ATXN7L1: variants seen among roughly 807,000 people sequenced by gnomAD.
ATXN7L1 encodes ataxin-7-like protein 1.
ATXN7L1 carries 15 observed loss-of-function variants against 70.8 expected under a neutral mutation model. The ratio of observed to expected loss-of-function variants is 0.21; its 90% CI spans 0.14 to 0.33. ATXN7L1 has a LOEUF of 0.33. Among genes scored for constraint, ATXN7L1 ranks in the 10% least tolerant of loss-of-function variants. ATXN7L1 has a pLI of 1.00. For missense variants in ATXN7L1, 975 were observed against 1,097.1 expected (o/e 0.89, Z 1.57); for synonymous variants, 440 against 445.1 (o/e 0.99, Z 0.14).
chr7:105,683,631 T>C (rs1306028282), intron 3 of ATXN7L1, among the ~76,000 whole-genome samples: 1 of 152,050 alleles, frequency 6.6e-6, no homozygotes, highest in Admixed American at 6.6e-5. Context: ...GCTGAGATTG[T>C]ACCACTGCAC....
At chr7:105,865,378 A>G (rs931072757) in intron 2 of ATXN7L1, among the ~76,000 whole-genome samples, 4 of 151,944 alleles carry the variant, frequency 2.6e-5, no homozygotes, top group African/African-American at 9.7e-5. Flanking sequence ...GGTAAAATAC[A>G]CATAACATAA....
Position 105,605,042 on chromosome 7 carries a change from C to CGT in ATXN7L1, c.*2809_*2810insAC. ...GAAGGCATACAAGTTATCCAAGTCG[C>CGT]TTTTTTTTTTTTTTTTTTTTTTTTA... On this transcript the variant is annotated 3_prime_UTR_variant, in exon 12 of 12. Coordinates refer to ENST00000419735, the MANE Select transcript of ATXN7L1 (RefSeq NM_020725.2). The CGT allele has an allele frequency of 1.4e-5, 1 of 71,558 alleles. No homozygotes were observed. The highest frequency in any genetic ancestry group is 5.6e-5 in the African/African-American group (1 of 17,982). The allele number at this position is 71,558 out of a possible 1,614,324, so 4.4% of individuals were successfully genotyped here.
At chr7:105,872,700 A>G (rs935854595) in intron 2 of ATXN7L1, among the ~76,000 whole-genome samples, 1 of 152,150 alleles carries the variant, frequency 6.6e-6, no homozygotes, top group Non-Finnish European at 1.5e-5. Flanking sequence ...ATGGGTACAG[A>G]GTTTCTGACT....
chr7:105,835,449 A>C (rs1203726497), intron 2 of ATXN7L1, among the ~76,000 whole-genome samples: 1 of 151,216 alleles, frequency 6.6e-6, no homozygotes, highest in Admixed American at 6.6e-5. Flanking sequence ...GCCAGTGTCC[A>C]GCCTTAATTG....
At position 105,824,369 on chromosome 7, in the gene ATXN7L1, G is replaced by C. The variant is rs114788960; in HGVS notation, c.251-35661C>G. On this transcript the variant is annotated intron_variant, in intron 2 of 11. Transcript: ENST00000419735. Reference sequence around the variant, plus strand: ...TTAAAGACAGCACCCACCTGAAAGAGACTGAGACACAATAACCAGGAATAG... The same window carrying C: ...TTAAAGACAGCACCCACCTGAAAGACACTGAGACACAATAACCAGGAATAG... Among the ~76,000 whole-genome samples, 965 of 152,214 alleles carry C rather than the reference G, an allele frequency of 6.3e-3. 9 individuals are homozygous for C. Among genetic ancestry groups the C allele is most frequent in the African/African-American group, 0.022 (914 of 41,542 alleles).
chr7:105,834,967 C>T (rs927391170), intron 2 of ATXN7L1, among the ~76,000 whole-genome samples: 2 of 151,914 alleles, frequency 1.3e-5, no homozygotes, highest in Admixed American at 6.5e-5. Context: ...AAAGTGGTCT[C>T]TGGGACTCAC....
intron 3 of ATXN7L1, among the ~76,000 whole-genome samples, chr7:105,735,753 A>G (rs1167301547): frequency 6.6e-6 from 1 of 151,912 alleles, no homozygotes; most frequent in Non-Finnish European, 1.5e-5. Flanking sequence ...TTTTCTTTTC[A>G]CTTTGTTGAA....
intron 2 of ATXN7L1, among the ~76,000 whole-genome samples, chr7:105,843,669 G>A (rs1404483157): frequency 6.6e-6 from 1 of 152,240 alleles, no homozygotes; most frequent in Non-Finnish European, 1.5e-5. Flanking sequence ...CTAGGCATGG[G>A]TGTTCCAGGA....
chr7:105,713,480 G>A (rs677752), intron 3 of ATXN7L1, among the ~76,000 whole-genome samples: 11,810 of 152,340 alleles, frequency 0.078, 531 homozygotes, highest in South Asian at 0.14. Context: ...ACTGCAGAGA[G>A]GGCCCTGAGG....
intron 3 of ATXN7L1, among the ~76,000 whole-genome samples, chr7:105,754,073 T>C (rs1799507341): frequency 6.6e-6 from 1 of 152,072 alleles, no homozygotes; most frequent in South Asian, 2.1e-4. Flanking sequence ...TTAGACAATC[T>C]GTGGGAAAAT....
intron 2 of ATXN7L1, among the ~76,000 whole-genome samples, chr7:105,833,447 T>C (rs761001360): frequency 6.6e-6 from 1 of 152,138 alleles, no homozygotes; most frequent in Non-Finnish European, 1.5e-5. Flanking sequence ...AAAGAGCAAA[T>C]AGATGTACTC....
intron 2 of ATXN7L1, among the ~76,000 whole-genome samples, chr7:105,835,271 C>T (rs1812210663): frequency 6.7e-6 from 1 of 149,862 alleles, no homozygotes; most frequent in Admixed American, 6.7e-5. Context: ...CCTCCCACCT[C>T]AGCCTCCTGA....
In ATXN7L1 at chr7:105,662,017, T is replaced by A. The variant is rs1801687658; in HGVS notation, c.578+3049A>T. Among the ~76,000 whole-genome samples, 14 of 49,590 alleles carry A rather than the reference T, an allele frequency of 2.8e-4. No homozygotes were observed. The South Asian group carries it at 0.01, about 37-fold the overall frequency. The allele number at this position is 49,590 out of a possible 152,430, so 32.5% of individuals were successfully genotyped here. On this transcript the variant is annotated intron_variant, in intron 4 of 11. Transcript: ENST00000419735. ...GTTTCTTTAGATTCTTTCTTTTCTTTCTTTCTTTCTTTCCTTCCTTCCTTC... is the reference window on the plus strand; with the variant it reads ...GTTTCTTTAGATTCTTTCTTTTCTTACTTTCTTTCTTTCCTTCCTTCCTTC...
At chr7:105,666,790 T>C (rs1802679405) in intron 3 of ATXN7L1, among the ~76,000 whole-genome samples, 1 of 152,226 alleles carries the variant, frequency 6.6e-6, no homozygotes, top group African/African-American at 2.4e-5. Context: ...GCCATCCTGT[T>C]GAAGCTTTTG....
intron 11 of ATXN7L1, among the ~76,000 whole-genome samples, chr7:105,609,169 CCCT>C: frequency 6.6e-6 from 1 of 152,192 alleles, no homozygotes; most frequent in South Asian, 2.1e-4. Context: ...CAAGGCCTCC[CCCT>C]CCTCTTTTTT....
chr7:105,610,501 T>TGGGCC, intron 11 of ATXN7L1, 28 bp downstream of exon 11: 2 of 1,526,726 alleles, frequency 1.3e-6, no homozygotes, highest in Non-Finnish European at 1.8e-6. Flanking sequence ...TATGAATTTT[T>TGGGCC]GCCCCACCCC....
intron 2 of ATXN7L1, among the ~76,000 whole-genome samples, chr7:105,794,032 A>T (rs939364607): frequency 1.5e-5 from 2 of 137,378 alleles, no homozygotes; most frequent in African/African-American, 2.7e-5. Context: ...TCCATCATTG[A>T]AACATGTGGT....
At chr7:105,670,378 G>A (rs1274075597) in intron 3 of ATXN7L1, among the ~76,000 whole-genome samples, 1 of 152,112 alleles carries the variant, frequency 6.6e-6, no homozygotes, top group Non-Finnish European at 1.5e-5. Flanking sequence ...GAAAGAATTT[G>A]TAGTACATGA....
intron 2 of ATXN7L1, among the ~76,000 whole-genome samples, chr7:105,821,807 C>G (rs975663665): frequency 6.6e-6 from 1 of 152,244 alleles, no homozygotes; most frequent in Non-Finnish European, 1.5e-5. Flanking sequence ...GTGCGCAGTA[C>G]AGTTAACTGT....
Sources: gnomAD v4.1 joint callset for allele counts (sites outside exome capture counted in the v4.1 genomes callset) on GRCh38, gnomAD v4.1.1 for gene constraint, MANE v1.5 for transcripts, NCBI Gene and HGNC (gene_info 2026-07-23, HGNC 2026-07-21) for gene names.